Variants in GALNTL6 observed in about 807,000 individuals in gnomAD.
The protein encoded by GALNTL6 is polypeptide N-acetylgalactosaminyltransferase-like 6.
Under a neutral mutation model 73.7 loss-of-function variants are expected in GALNTL6, and 46 were observed. That is an observed-to-expected ratio of 0.62 (90% confidence interval 0.49 to 0.80). The LOEUF (loss-of-function observed/expected upper bound fraction) is 0.80, where lower values mean the gene tolerates loss of function less well. GALNTL6 is among the 30% of genes least tolerant of loss of function. The probability of loss-of-function intolerance (pLI) is 0.00; values close to 1 mark genes in which losing one functional copy is unlikely to be tolerated. For synonymous variants in GALNTL6, 259 were observed against 263.7 expected, an observed-to-expected ratio of 0.98 and a Z score of 0.17; for missense variants, 604 against 755.0, an observed-to-expected ratio of 0.80 and a Z score of 2.34.
intron 2 of GALNTL6, among the ~76,000 whole-genome samples, chr4:171,922,027 T>A (rs1253560946): frequency 6.6e-6 from 1 of 152,002 alleles, no homozygotes; most frequent in East Asian, 1.9e-4. Context: ...ATATTTACTA[T>A]CCCTGCCATT....
intron 2 of GALNTL6, among the ~76,000 whole-genome samples, chr4:171,920,387 A>G (rs1048832248): frequency 5.9e-5 from 9 of 152,280 alleles, no homozygotes; most frequent in Admixed American, 2.6e-4. Flanking sequence ...TAATTTAAAA[A>G]AAAAAGAAAA....
intron 5 of GALNTL6, among the ~76,000 whole-genome samples, chr4:172,785,693 T>C (rs1041464296): frequency 1.5e-4 from 23 of 152,128 alleles, no homozygotes; most frequent in African/African-American, 5.6e-4. Flanking sequence ...GATGGGGGTG[T>C]CTTTCTAAGA....
intron 5 of GALNTL6, among the ~76,000 whole-genome samples, chr4:172,530,967 GTAGATTTT>G (rs1735149697): frequency 1.0e-4 from 1 of 9,938 alleles, no homozygotes; most frequent in Non-Finnish European, 2.8e-4. Flanking sequence ...TCACCTGAAT[GTAGATTTT>G]ATAATGAAAA....
chr4:172,190,681 G>A (rs1231487511), intron 2 of GALNTL6, among the ~76,000 whole-genome samples: 3 of 152,170 alleles, frequency 2.0e-5, no homozygotes, highest in Non-Finnish European at 4.4e-5. Flanking sequence ...GGGCCTCAAA[G>A]GCCAGGTTAA....
In GALNTL6 at chr4:172,318,362, C is replaced by T. The variant is rs376601483; in HGVS notation, c.386+6610C>T. On this transcript the variant is annotated intron_variant, in intron 4 of 12. Transcript: ENST00000506823. Reference sequence around the variant, plus strand: ...AGATAACAGTTTAAGACTTGTCAGACATTAACCTTTTGGAGTGACTGACAG... The same window carrying T: ...AGATAACAGTTTAAGACTTGTCAGATATTAACCTTTTGGAGTGACTGACAG... Among the ~76,000 whole-genome samples the T allele has an allele frequency of 5.6e-4, 85 of 152,262 alleles. 1 individual carries two copies. The highest frequency in any genetic ancestry group is 1.1e-3 in the Non-Finnish European group (74 of 68,014).
At chr4:172,215,519 A>G (rs1179967921) in intron 2 of GALNTL6, among the ~76,000 whole-genome samples, 2 of 152,136 alleles carry the variant, frequency 1.3e-5, no homozygotes, top group Non-Finnish European at 2.9e-5. Flanking sequence ...CTTGTCTGAA[A>G]TTAATTTAGC....
At chr4:172,583,672 C>T (rs547706099) in intron 5 of GALNTL6, among the ~76,000 whole-genome samples, 128 of 151,890 alleles carry the variant, frequency 8.4e-4, no homozygotes, top group Middle Eastern at 3.4e-3. Flanking sequence ...GAGGTCGAGG[C>T]GGGTGGATCA....
At chr4:172,798,843 G>GA (rs1740438413) in intron 5 of GALNTL6, among the ~76,000 whole-genome samples, 1 of 152,186 alleles carries the variant, frequency 6.6e-6, no homozygotes, top group Non-Finnish European at 1.5e-5. Context: ...GCTTTAGAGA[G>GA]AAAAATCATA....
At chr4:172,664,734 C>G (rs1012016816) in intron 5 of GALNTL6, among the ~76,000 whole-genome samples, 1 of 152,190 alleles carries the variant, frequency 6.6e-6, no homozygotes, top group South Asian at 2.1e-4. Flanking sequence ...ACTAGACTCT[C>G]TTTCTTCCTA....
intron 2 of GALNTL6, among the ~76,000 whole-genome samples, chr4:172,182,471 CT>C (rs201315332): frequency 5.6e-5 from 8 of 142,632 alleles, no homozygotes; most frequent in Non-Finnish European, 7.6e-5. Flanking sequence ...CAGATATCTT[CT>C]TTTTTTTTGA....
intron 2 of GALNTL6, among the ~76,000 whole-genome samples, chr4:172,045,565 A>G (rs1354783039): frequency 6.6e-6 from 1 of 152,034 alleles, no homozygotes; most frequent in Admixed American, 6.6e-5. Flanking sequence ...CAAACACTCC[A>G]TACATACTTT....
At chr4:171,906,895 A>G (rs931407145) in intron 2 of GALNTL6, among the ~76,000 whole-genome samples, 2 of 152,234 alleles carry the variant, frequency 1.3e-5, no homozygotes, top group Admixed American at 1.3e-4. Flanking sequence ...GACAAAAACC[A>G]CATGATTACC....
intron 5 of GALNTL6, among the ~76,000 whole-genome samples, chr4:172,646,541 C>T (rs1740251227): frequency 6.6e-6 from 1 of 151,912 alleles, no homozygotes; most frequent in Non-Finnish European, 1.5e-5. Context: ...ACCCTTGTAT[C>T]CAGCCCTTGT....
chr4:172,233,219 A>G (rs1737132392), intron 3 of GALNTL6, among the ~76,000 whole-genome samples: 1 of 151,660 alleles, frequency 6.6e-6, no homozygotes, highest in Non-Finnish European at 1.5e-5. Flanking sequence ...AAAAAAAAAA[A>G]AAAAATTCAT....
chr4:172,495,132 T>C (rs1349842695), intron 5 of GALNTL6, among the ~76,000 whole-genome samples: 2 of 151,850 alleles, frequency 1.3e-5, no homozygotes, highest in Non-Finnish European at 2.9e-5. Flanking sequence ...GCCTGGCAGG[T>C]TTTTACAGTA....
intron 10 of GALNTL6, among the ~76,000 whole-genome samples, chr4:172,999,782 T>C (rs1751964154): frequency 6.6e-6 from 1 of 151,256 alleles, no homozygotes; most frequent in South Asian, 2.1e-4. Context: ...TATATATATA[T>C]ATAATTTGGA....
intron 5 of GALNTL6, among the ~76,000 whole-genome samples, chr4:172,720,020 T>G (rs1735366020): frequency 6.6e-6 from 1 of 152,182 alleles, no homozygotes; most frequent in Non-Finnish European, 1.5e-5. Flanking sequence ...CCTGTCCATC[T>G]TGGTTTTGCT....
At chr4:172,825,651 A>G (rs1489200332) in intron 7 of GALNTL6, among the ~76,000 whole-genome samples, 1 of 152,170 alleles carries the variant, frequency 6.6e-6, no homozygotes, top group Non-Finnish European at 1.5e-5. Flanking sequence ...GAAATTGAGC[A>G]AAGTGGTGGA....
At chr4:172,252,691 A>G (rs1737922576) in intron 3 of GALNTL6, among the ~76,000 whole-genome samples, 1 of 152,114 alleles carries the variant, frequency 6.6e-6, no homozygotes, top group African/African-American at 2.4e-5. Context: ...TTTTCAGAGT[A>G]AGAATGTTCT....
Sources: gnomAD v4.1 joint callset for allele counts (sites outside exome capture counted in the v4.1 genomes callset) on GRCh38, gnomAD v4.1.1 for gene constraint, MANE v1.5 for transcripts, NCBI Gene and HGNC (gene_info 2026-07-23, HGNC 2026-07-21) for gene names.